The following ARL15 variants were observed in gnomAD, a reference collection of about 807,000 sequenced individuals.
ARL15 encodes ADP-ribosylation factor-like protein 15.
Under a neutral mutation model 25.2 loss-of-function variants are expected in ARL15, and 19 were observed. The observed-to-expected ratio is 0.75, with a 90% CI of 0.53 to 1.10. ARL15 has a LOEUF of 1.10. Among genes scored for constraint, ARL15 ranks in the 50% least tolerant of loss-of-function variants. The pLI, the probability that ARL15 is intolerant of heterozygous loss-of-function variation, is 0.00. For missense variants in ARL15, 220 were observed against 246.0 expected (o/e 0.89, Z 0.71); for synonymous variants, 94 against 86.8 (o/e 1.08, Z -0.46).
At chr5:54,127,293 T>A (rs1273942190) in intron 3 of ARL15, among the ~76,000 whole-genome samples, 1 of 152,202 alleles carries the variant, frequency 6.6e-6, no homozygotes, top group Non-Finnish European at 1.5e-5. Flanking sequence ...CAAAATCTCC[T>A]TAAGCTGATA....
intron 2 of ARL15, among the ~76,000 whole-genome samples, chr5:54,165,865 C>T (rs568549477): frequency 2.0e-4 from 30 of 151,996 alleles, no homozygotes; most frequent in South Asian, 6.3e-4. Flanking sequence ...AGAATCAATA[C>T]GCAGTTCAAG....
chr5:54,147,270 C>A (rs1488118768), intron 3 of ARL15, among the ~76,000 whole-genome samples: 1 of 152,032 alleles, frequency 6.6e-6, no homozygotes, highest in African/African-American at 2.4e-5. Context: ...TATTACATAT[C>A]ACACTAGATC....
At chr5:54,079,901 C>A (rs792019) in intron 4 of ARL15, among the ~76,000 whole-genome samples, 7,624 of 149,834 alleles carry the variant, frequency 0.051, 389 homozygotes, top group African/African-American at 0.13. Flanking sequence ...ACCCGGGAGG[C>A]GGAGGTTGCA....
chr5:53,895,081 C>G (rs1303060189), intron 4 of ARL15, among the ~76,000 whole-genome samples: 1 of 152,194 alleles, frequency 6.6e-6, no homozygotes, highest in Non-Finnish European at 1.5e-5. Context: ...TATTTACTAC[C>G]TAGCCCTTTA....
intron 1 of ARL15, among the ~76,000 whole-genome samples, chr5:54,227,202 G>A (rs1756549081): frequency 1.3e-5 from 2 of 152,216 alleles, no homozygotes; most frequent in South Asian, 4.1e-4. Flanking sequence ...CGCTGCTTCT[G>A]TAAGCACTGA....
At chr5:53,985,486 T>C (rs575491362) in intron 4 of ARL15, among the ~76,000 whole-genome samples, 1 of 152,312 alleles carries the variant, frequency 6.6e-6, no homozygotes, top group South Asian at 2.1e-4. Context: ...CCCCAAACCC[T>C]GGCAACCACC....
chr5:54,016,113 C>T lies in ARL15; in HGVS notation c.462+97089G>A, dbSNP rs1012882467. Among the ~76,000 whole-genome samples, 8 of 152,200 alleles carry T rather than the reference C, an allele frequency of 5.3e-5. No homozygotes were observed. In the East Asian group the frequency reaches 1.5e-3, roughly 29 times the overall value. Reference sequence around the variant, plus strand: ...GTTTTGTGGAACTCCTTTGCGGCTACCGGTAATTAAAGTGGTTTTTCTCCT... The same window carrying T: ...GTTTTGTGGAACTCCTTTGCGGCTATCGGTAATTAAAGTGGTTTTTCTCCT... On this transcript the variant is annotated intron_variant, in intron 4 of 4. Transcript: ENST00000504924.
chr5:53,899,347 C>CAAAAAAA (rs59145507), intron 4 of ARL15, among the ~76,000 whole-genome samples: 33 of 89,368 alleles, frequency 3.7e-4, no homozygotes, highest in African/African-American at 1.2e-3. Context: ...GACTCTATCC[C>CAAAAAAA]AAAAAAAAAA....
chr5:54,033,963 G>A (rs545723411), intron 4 of ARL15, among the ~76,000 whole-genome samples: 2 of 152,098 alleles, frequency 1.3e-5, no homozygotes, highest in Admixed American at 1.3e-4. Context: ...ACAGGTGCCC[G>A]CCACCATGCC....
At chr5:54,256,041 C>T (rs1287312581) in intron 1 of ARL15, among the ~76,000 whole-genome samples, 1 of 150,890 alleles carries the variant, frequency 6.6e-6, no homozygotes, top group Non-Finnish European at 1.5e-5. Context: ...AAACCCAAAG[C>T]TAGCAGAAGG....
intron 1 of ARL15, among the ~76,000 whole-genome samples, chr5:54,300,624 TA>T (rs1758591596): frequency 6.6e-6 from 1 of 152,236 alleles, no homozygotes; most frequent in African/African-American, 2.4e-5. Flanking sequence ...ACCTAAGAAT[TA>T]TCCCTGAGAT....
intron 4 of ARL15, among the ~76,000 whole-genome samples, chr5:53,968,894 G>A (rs1397340332): frequency 2.0e-5 from 3 of 151,620 alleles, no homozygotes; most frequent in African/African-American, 4.8e-5. Flanking sequence ...GGTGACTCAC[G>A]CCTGTAATCC....
At chr5:53,981,251 A>AAC (rs1748107856) in intron 4 of ARL15, among the ~76,000 whole-genome samples, 1 of 152,240 alleles carries the variant, frequency 6.6e-6, no homozygotes, top group Non-Finnish European at 1.5e-5. Context: ...TGATAAAATA[A>AAC]ATATTAGTAA....
At chr5:54,245,714 A>C (rs1245020999) in intron 1 of ARL15, among the ~76,000 whole-genome samples, 1 of 151,968 alleles carries the variant, frequency 6.6e-6, no homozygotes, top group Non-Finnish European at 1.5e-5. Context: ...CAGCCTCCCA[A>C]GTAGCTGGGA....
At chr5:54,215,866 C>T (rs566178814) in intron 1 of ARL15, among the ~76,000 whole-genome samples, 1 of 152,234 alleles carries the variant, frequency 6.6e-6, no homozygotes, top group South Asian at 2.1e-4. Context: ...TCTAACATTA[C>T]ATTATATTGG....
At position 54,184,615 on chromosome 5, in the gene ARL15, C is replaced by CA. The variant is rs5867920; in HGVS notation, c.49-12688dup. 7.8e-3 allele frequency among the ~76,000 whole-genome samples: 944 copies of CA among 121,612 alleles called. 5 individuals carry two copies. Among genetic ancestry groups the CA allele is most frequent in the South Asian group, 0.024 (92 of 3,812 alleles). The allele number at this position is 121,612 out of a possible 152,430, so 79.8% of individuals were successfully genotyped here. A position where few individuals can be genotyped will look rare whatever the true frequency, so the allele number is the denominator to read the frequency against. On this transcript the variant is annotated intron_variant, in intron 1 of 4. Coordinates refer to ENST00000504924, the MANE Select transcript of ARL15 (RefSeq NM_019087.3). ...GAACTGAAGCTAGAAAGGCTTATAA[C>CA]AAAAAAAAAAAAAAAAAAAGGAAAA...
chr5:54,136,317 T>C (rs555135553), intron 3 of ARL15, among the ~76,000 whole-genome samples: 3 of 152,366 alleles, frequency 2.0e-5, no homozygotes, highest in Admixed American at 2.0e-4. Flanking sequence ...TATATCTGCA[T>C]GTTTAAGATT....
At chr5:53,903,378 G>A (rs1745131465) in intron 4 of ARL15, among the ~76,000 whole-genome samples, 1 of 152,118 alleles carries the variant, frequency 6.6e-6, no homozygotes, top group African/African-American at 2.4e-5. Context: ...GATTGTTTTG[G>A]TTGTCATAAC....
chr5:54,061,532 C>A (rs1751060040), intron 4 of ARL15, among the ~76,000 whole-genome samples: 1 of 152,096 alleles, frequency 6.6e-6, no homozygotes, highest in African/African-American at 2.4e-5. Flanking sequence ...ATCGCTTGAA[C>A]CCGGGAGGTG....
Sources: allele counts gnomAD v4.1 joint callset (sites outside exome capture counted in the v4.1 genomes callset), GRCh38; gene constraint gnomAD v4.1.1; transcripts MANE v1.5; gene names NCBI Gene and HGNC (gene_info 2026-07-23, HGNC 2026-07-21).